KANK1: variants seen among roughly 807,000 people sequenced by gnomAD.
The protein encoded by KANK1 is KN motif and ankyrin repeat domains 1, also known as KN motif and ankyrin repeat domain-containing protein 1.
KANK1 carries 109 observed loss-of-function variants against 106.2 expected under a neutral mutation model. That is an observed-to-expected ratio of 1.03 (90% CI 0.88 to 1.20). The LOEUF (loss-of-function observed/expected upper bound fraction) is 1.20. Among genes scored for constraint, KANK1 ranks in the 50% most tolerant of loss-of-function variants. KANK1 has a pLI of 0.00. For missense variants in KANK1, 2,399 were observed against 1,710.7 expected (o/e 1.40, Z -7.10); for synonymous variants, 873 against 652.2 (o/e 1.34, Z -5.16).
At chr9:489,315 AC>A (rs1306476968) in intron 3 of KANK1, among the ~76,000 whole-genome samples, 1 of 152,170 alleles carries the variant, frequency 6.6e-6, no homozygotes, top group Non-Finnish European at 1.5e-5. Flanking sequence ...ATTAATAACC[AC>A]CAAGAGCCAC....
intron 3 of KANK1, among the ~76,000 whole-genome samples, chr9:488,595 C>T (rs1231081037): frequency 6.6e-6 from 1 of 152,176 alleles, no homozygotes; most frequent in Non-Finnish European, 1.5e-5. Context: ...TAACATCCTT[C>T]CTGTCTCATT....
chr9:685,746 T>A (rs1818412332), intron 2 of KANK1, among the ~76,000 whole-genome samples: 1 of 152,246 alleles, frequency 6.6e-6, no homozygotes, highest in Admixed American at 6.5e-5. Flanking sequence ...CTCAGGGATC[T>A]TTTCTACTTT....
At chr9:697,691 T>C (rs886975053) in intron 2 of KANK1, among the ~76,000 whole-genome samples, 8 of 152,208 alleles carry the variant, frequency 5.3e-5, no homozygotes, top group Admixed American at 2.0e-4. Context: ...TATAGCATGA[T>C]GGACTCACAA....
chr9:493,935 T>C (rs2058418302), intron 3 of KANK1, among the ~76,000 whole-genome samples: 1 of 151,726 alleles, frequency 6.6e-6, no homozygotes, highest in Non-Finnish European at 1.5e-5. Flanking sequence ...CAGGCTGGAG[T>C]GCAATGGTGC....
At chr9:567,783 C>A (rs530023417) in intron 1 of KANK1, among the ~76,000 whole-genome samples, 6 of 152,232 alleles carry the variant, frequency 3.9e-5, no homozygotes, top group Admixed American at 2.0e-4. Flanking sequence ...TATTGGTTAC[C>A]CAGGGAGATG....
intron 1 of KANK1, among the ~76,000 whole-genome samples, chr9:597,330 C>G (rs1237539775): frequency 6.6e-6 from 1 of 151,882 alleles, no homozygotes; most frequent in Non-Finnish European, 1.5e-5. Flanking sequence ...GTCCCACCAA[C>G]AATGTACAAG....
intron 1 of KANK1, among the ~76,000 whole-genome samples, chr9:663,154 C>T (rs76155211): frequency 6.6e-6 from 1 of 152,058 alleles, no homozygotes; most frequent in Non-Finnish European, 1.5e-5. Context: ...AAAATTTTTG[C>T]TAAGCAGAAA....
chr9:587,278 A>G (rs574750270), intron 1 of KANK1, among the ~76,000 whole-genome samples: 48 of 85,500 alleles, frequency 5.6e-4, no homozygotes, highest in Middle Eastern at 6.4e-3. Flanking sequence ...TTGATCTACA[A>G]ATGTATGATT....
intron 1 of KANK1, among the ~76,000 whole-genome samples, chr9:577,303 TTTACAGAGTGCTGATTGGTGTGTTA>T (rs1417098305): frequency 2.0e-5 from 3 of 152,168 alleles, no homozygotes; most frequent in Non-Finnish European, 4.4e-5. Context: ...ATTGATCCAT[TTTACAGAGTGCTGATTGGTGTGTTA>T]TTACAGAGTG....
chr9:591,045 T>G (rs1329813311), intron 1 of KANK1, among the ~76,000 whole-genome samples: 1 of 151,890 alleles, frequency 6.6e-6, no homozygotes, highest in Non-Finnish European at 1.5e-5. Context: ...TATAGACAGA[T>G]GAACATCTTT....
At position 604,616 on chromosome 9, in the gene KANK1, G is replaced by A. The variant is rs1457018088; in HGVS notation, c.-83-72274G>A. 3.3e-5 allele frequency among the ~76,000 whole-genome samples: 5 copies of A among 151,874 alleles called. No homozygotes were observed. In the East Asian group the frequency reaches 7.7e-4, roughly 23 times the overall value. ...AGAGACCAACGCGGGCAGATCACTTGAGGTCAGGAGTTCAAGACCAGTCTG... is the reference window on the plus strand; with the variant it reads ...AGAGACCAACGCGGGCAGATCACTTAAGGTCAGGAGTTCAAGACCAGTCTG... On this transcript the variant is annotated intron_variant, in intron 1 of 11. Coordinates refer to ENST00000382297, the MANE Select transcript of KANK1 (RefSeq NM_015158.5).
intron 1 of KANK1, among the ~76,000 whole-genome samples, chr9:644,180 G>A (rs1839148899): frequency 6.6e-6 from 1 of 151,018 alleles, no homozygotes; most frequent in Admixed American, 6.6e-5. Flanking sequence ...AGAGGAAGCA[G>A]AAGTAGAGCA....
chr9:536,697 C>G (rs908348049), intron 1 of KANK1, among the ~76,000 whole-genome samples: 2 of 152,162 alleles, frequency 1.3e-5, no homozygotes, highest in Non-Finnish European at 1.5e-5. Flanking sequence ...AGGAAAATCT[C>G]TCCATCCCAA....
At chr9:717,218 G>A (rs1206752159) in intron 3 of KANK1, among the ~76,000 whole-genome samples, 1 of 152,074 alleles carries the variant, frequency 6.6e-6, no homozygotes, top group East Asian at 1.9e-4. Context: ...CCTAGAGGTG[G>A]AGGCTGCAGT....
chr9:514,927 T>C (rs779904700), intron 1 of KANK1, among the ~76,000 whole-genome samples: 3 of 151,800 alleles, frequency 2.0e-5, no homozygotes, highest in South Asian at 2.1e-4. Context: ...CTTGTTATTG[T>C]CTGTTGTCTT....
At chr9:524,982 CTTTTTTTTTTT>C (rs35377139) in intron 1 of KANK1, among the ~76,000 whole-genome samples, 1 of 91,984 alleles carries the variant, frequency 1.1e-5, no homozygotes, top group African/African-American at 4.7e-5. Flanking sequence ...CTCTTGCTGC[CTTTTTTTTTTT>C]TTTTTTTTTT....
intron 1 of KANK1, among the ~76,000 whole-genome samples, chr9:637,220 A>G (rs1459172348): frequency 1.3e-5 from 2 of 152,156 alleles, no homozygotes; most frequent in Non-Finnish European, 2.9e-5. Context: ...GTTGCCTTCA[A>G]ACACTACCAA....
chr9:582,516 C>G (rs541619711), intron 1 of KANK1, among the ~76,000 whole-genome samples: 4 of 152,182 alleles, frequency 2.6e-5, no homozygotes, highest in African/African-American at 9.7e-5. Context: ...CCTCAGAATC[C>G]TCAGTGGCTA....
chr9:490,751 G>T (rs1183884005), intron 3 of KANK1, among the ~76,000 whole-genome samples: 1 of 152,068 alleles, frequency 6.6e-6, no homozygotes, highest in Non-Finnish European at 1.5e-5. Flanking sequence ...ATTTATTGTT[G>T]AGCACATATT....
Sources: allele counts gnomAD v4.1 joint callset (sites outside exome capture counted in the v4.1 genomes callset), GRCh38; gene constraint gnomAD v4.1.1; transcripts MANE v1.5; gene names NCBI Gene and HGNC (gene_info 2026-07-23, HGNC 2026-07-21).